Variants in STAU2 observed in about 807,000 individuals in gnomAD.
The protein encoded by STAU2 is double-stranded RNA-binding protein Staufen homolog 2.
A neutral mutation model predicts 65.9 loss-of-function variants in STAU2; 20 were observed. That is an observed-to-expected ratio of 0.30 (90% CI 0.21 to 0.44). The LOEUF (loss-of-function observed/expected upper bound fraction) is 0.44, where lower values mean the gene tolerates loss of function less well. Among genes scored for constraint, STAU2 ranks in the 20% least tolerant of loss-of-function variants. STAU2 has a pLI of 1.00. For synonymous variants in STAU2, 232 were observed against 233.9 expected (o/e 0.99, Z 0.07); for missense variants, 558 against 683.9 (o/e 0.82, Z 2.05).
At chr8:73,587,636 G>A (rs557246184) in intron 11 of STAU2, among the ~76,000 whole-genome samples, 5 of 152,278 alleles carry the variant, frequency 3.3e-5, no homozygotes, top group African/African-American at 1.2e-4. Context: ...ATGTACCAGA[G>A]TTAAACCCTC....
chr8:73,560,327 A>G (rs1047893921), intron 12 of STAU2, among the ~76,000 whole-genome samples: 3 of 151,902 alleles, frequency 2.0e-5, no homozygotes, highest in African/African-American at 4.8e-5. Flanking sequence ...TGATCCGCCC[A>G]CCTCGGCCTC....
chr8:73,677,706 CAT>C (rs1277184495), intron 5 of STAU2, among the ~76,000 whole-genome samples: 8 of 152,276 alleles, frequency 5.3e-5, no homozygotes, highest in East Asian at 1.9e-4. Context: ...ACTAGTAAAA[CAT>C]GTGGTGAAGT....
At chr8:73,725,293 C>T (rs919095022) in intron 3 of STAU2, among the ~76,000 whole-genome samples, 1 of 152,146 alleles carries the variant, frequency 6.6e-6, no homozygotes, top group African/African-American at 2.4e-5. Flanking sequence ...CATAGGCTTA[C>T]TATTTTTATT....
At chr8:73,505,409 A>G (rs1822005921) in intron 13 of STAU2, among the ~76,000 whole-genome samples, 1 of 152,136 alleles carries the variant, frequency 6.6e-6, no homozygotes, top group Non-Finnish European at 1.5e-5. Context: ...GCAGGTCACA[A>G]AGTTAAAGCT....
chr8:73,662,703 G>A (rs1816923591), intron 6 of STAU2, among the ~76,000 whole-genome samples: 1 of 152,074 alleles, frequency 6.6e-6, no homozygotes, highest in Non-Finnish European at 1.5e-5. Flanking sequence ...CACAACCTCT[G>A]CCTCCCGGGT....
intron 3 of STAU2, among the ~76,000 whole-genome samples, chr8:73,712,702 C>T (rs754757151): frequency 6.6e-5 from 10 of 152,182 alleles, no homozygotes; most frequent in Non-Finnish European, 1.3e-4. Flanking sequence ...CATCTGTAAT[C>T]CCAGTACATT....
intron 6 of STAU2, among the ~76,000 whole-genome samples, chr8:73,630,996 T>C (rs1469751251): frequency 1.3e-5 from 2 of 152,128 alleles, no homozygotes; most frequent in African/African-American, 4.8e-5. Context: ...GCTTGTACCA[T>C]ACCCGGGAGA....
chr8:73,604,587 C>T (rs532590416), intron 9 of STAU2, among the ~76,000 whole-genome samples: 1 of 151,968 alleles, frequency 6.6e-6, no homozygotes, highest in African/African-American at 2.4e-5. Context: ...TTTTTTAAGA[C>T]CCCTAAAAAG....
chr8:73,468,616 CAAAT>C (rs767765010), intron 13 of STAU2, among the ~76,000 whole-genome samples: 110 of 152,242 alleles, frequency 7.2e-4, no homozygotes, highest in Non-Finnish European at 1.1e-3. Flanking sequence ...CAAGAAAAAA[CAAAT>C]AACCCCATCA....
intron 13 of STAU2, among the ~76,000 whole-genome samples, chr8:73,500,697 G>T (rs573491166): frequency 6.6e-6 from 1 of 151,750 alleles, no homozygotes; most frequent in Non-Finnish European, 1.5e-5. Context: ...AAATTGCACA[G>T]TATATTTTAA....
At chr8:73,685,653 G>A (rs577009027) in intron 5 of STAU2, among the ~76,000 whole-genome samples, 2 of 152,252 alleles carry the variant, frequency 1.3e-5, no homozygotes, top group South Asian at 4.2e-4. Flanking sequence ...TGGGATTACA[G>A]GCATGAGCCA....
At chr8:73,539,460 C>A (rs1368412331) in intron 13 of STAU2, among the ~76,000 whole-genome samples, 1 of 152,002 alleles carries the variant, frequency 6.6e-6, no homozygotes, top group Admixed American at 6.6e-5. Context: ...TATATAAATT[C>A]TAGAAATGAA....
chr8:73,436,718 CTG>C (rs1563590110), intron 13 of STAU2, among the ~76,000 whole-genome samples: 1 of 152,026 alleles, frequency 6.6e-6, no homozygotes, highest in Non-Finnish European at 1.5e-5. Context: ...TCCCAAGTAA[CTG>C]AGATTACAGG....
chr8:73,424,100 A>T (rs1030863802), intron 13 of STAU2, among the ~76,000 whole-genome samples: 6 of 121,344 alleles, frequency 4.9e-5, no homozygotes, highest in Admixed American at 1.1e-4. Flanking sequence ...TCTTTTTACC[A>T]TCGCTACAGT....
intron 13 of STAU2, among the ~76,000 whole-genome samples, chr8:73,435,314 T>C (rs540885381): frequency 6.6e-6 from 1 of 152,048 alleles, no homozygotes; most frequent in South Asian, 2.1e-4. Flanking sequence ...CCTTGGCTGG[T>C]GGGGCCCCTT....
At chr8:73,510,821 G>A (rs1483720676) in intron 13 of STAU2, among the ~76,000 whole-genome samples, 2 of 152,198 alleles carry the variant, frequency 1.3e-5, no homozygotes, top group African/African-American at 2.4e-5. Flanking sequence ...TCCCTCCCAC[G>A]ACATGTGGGG....
intron 13 of STAU2, among the ~76,000 whole-genome samples, chr8:73,503,487 C>T (rs377407482): frequency 1.8e-4 from 27 of 151,050 alleles, no homozygotes; most frequent in East Asian, 1.8e-3. Flanking sequence ...CAGTGAATTA[C>T]TATTTGAAAA....
intron 4 of STAU2, among the ~76,000 whole-genome samples, chr8:73,698,749 C>A (rs2130587257): frequency 6.6e-6 from 1 of 151,892 alleles, no homozygotes; most frequent in Non-Finnish European, 1.5e-5. Flanking sequence ...ACAGATCTCC[C>A]AGAAAGAAAA....
intron 9 of STAU2, among the ~76,000 whole-genome samples, chr8:73,605,261 A>AACAATAAG (rs1247403964): frequency 1.3e-5 from 2 of 151,782 alleles, no homozygotes; most frequent in Non-Finnish European, 2.9e-5. Context: ...CAGAAGACTC[A>AACAATAAG]ACAATAAGAT....
Sources: gnomAD v4.1 joint callset for allele counts (sites outside exome capture counted in the v4.1 genomes callset) on GRCh38, gnomAD v4.1.1 for gene constraint, MANE v1.5 for transcripts, NCBI Gene and HGNC (gene_info 2026-07-23, HGNC 2026-07-21) for gene names.